Variants in TBCD observed in about 807,000 individuals in gnomAD.
TBCD encodes tubulin-specific chaperone D.
In TBCD, 105 loss-of-function variants were observed where a neutral mutation model predicts 169.3. That is an observed-to-expected ratio of 0.62 (90% CI 0.53 to 0.73). The LOEUF is 0.73. TBCD is among the 30% of genes least tolerant of loss of function. The pLI is 0.00. For missense variants in TBCD, 1,444 were observed against 1,600.1 expected, an observed-to-expected ratio of 0.90 and a Z score of 1.66; for synonymous variants, 700 against 643.9, an observed-to-expected ratio of 1.09 and a Z score of -1.32.
intron 11 of TBCD, 143 bp downstream of exon 11, chr17:82,807,811 G>T: frequency 3.6e-6 from 2 of 552,634 alleles, no homozygotes; most frequent in Non-Finnish European, 2.8e-6. Flanking sequence ...GTTGCTTTAC[G>T]TGTTGGCGTG....
intron 6 of TBCD, among the ~76,000 whole-genome samples, chr17:82,773,684 C>T (rs1294343299): frequency 6.6e-6 from 1 of 151,778 alleles, no homozygotes; most frequent in Non-Finnish European, 1.5e-5. Flanking sequence ...TGTCTTCTTC[C>T]AAAACGAGAT....
At position 82,783,000 on chromosome 17, in the gene TBCD, C is replaced by T. The variant is rs144990124; in HGVS notation, c.771+1279C>T. Among the ~76,000 whole-genome samples the T allele has an allele frequency of 4.6e-3, 696 of 152,070 alleles. 2 individuals carry two copies. Among genetic ancestry groups the T allele is most frequent in the African/African-American group, 0.016 (655 of 41,480 alleles). On this transcript the variant is annotated intron_variant, in intron 7 of 38. Transcript: ENST00000355528. This position sits in a 1 kb window ranked among gnomAD's most constrained non-coding sequence, Gnocchi z 5.1. ...GTCCGCTGTGCCCTCCTGTCCGCGG[C>T]GTCGTCTTCCTGTCTGTGGTATCAT...
chr17:82,909,537 A>G (rs1373104929), intron 22 of TBCD, among the ~76,000 whole-genome samples: 2 of 125,258 alleles, frequency 1.6e-5, no homozygotes, highest in Non-Finnish European at 1.6e-5. Context: ...TGAGGGTCTG[A>G]CCTGGTTGTG....
At chr17:82,842,736 A>G in intron 13 of TBCD, among the ~76,000 whole-genome samples, 1 of 148,482 alleles carries the variant, frequency 6.7e-6, no homozygotes, top group Admixed American at 6.7e-5. Flanking sequence ...GCCAGAAATC[A>G]TTTACCTTCA....
rs201546188 is a variant in TBCD, at chr17:82,884,163, G to T, written c.1494G>T (p.Ala498=). 6.2e-7 allele frequency: 1 copy of T among 1,610,674 alleles called. No individual in the cohort carries two copies. Among genetic ancestry groups the T allele is most frequent in the Non-Finnish European group, 8.5e-7 (1 of 1,178,270 alleles). The change falls in exon 15 of 39, where the codon GCG becomes GCT. Residue 498 remains alanine (A), a synonymous_variant. Transcript: ENST00000355528. This position sits in a 1 kb window ranked among gnomAD's most constrained non-coding sequence, Gnocchi z 4.2. ...TAISSALVIA[A]VFDRDINCRR... Reference sequence around the variant, plus strand: ...TTCACAGTGCACTGGTGATTGCTGCGGTGTTTGACCGAGACATAAACTGCA... The same window carrying T: ...TTCACAGTGCACTGGTGATTGCTGCTGTGTTTGACCGAGACATAAACTGCA...
At chr17:82,878,806 C>T (rs1040477696) in intron 14 of TBCD, among the ~76,000 whole-genome samples, 1 of 152,176 alleles carries the variant, frequency 6.6e-6, no homozygotes, top group African/African-American at 2.4e-5. Context: ...CCTGTGTCCC[C>T]ACCCCGACGT....
At position 82,941,851 on chromosome 17, in the gene TBCD, G is replaced by T. The variant is rs186353778; in HGVS notation, c.3564+368G>T. ...TTCCCATGAGTGGGGCCGGGGCTGG[G>T]TGAGAGGCCCCCAGAAGCTGCCCCT... On this transcript the variant is annotated intron_variant, in intron 38 of 38. Transcript: ENST00000355528. 655 of 285,836 alleles carry T rather than the reference G, an allele frequency of 2.3e-3. 9 individuals carry two copies. The highest frequency in any genetic ancestry group is 0.013 in the African/African-American group (572 of 45,326). 17.7% of individuals were successfully genotyped at this position (285,836 alleles called of 1,614,324 possible). A position where few individuals can be genotyped will look rare whatever the true frequency, so the allele number is the denominator to read the frequency against.
chr17:82,891,440 G>C (rs549944074), intron 16 of TBCD, among the ~76,000 whole-genome samples: 1 of 152,214 alleles, frequency 6.6e-6, no homozygotes, highest in Non-Finnish European at 1.5e-5. Context: ...TGGAAGAAGC[G>C]GCACAGATTT....
intron 13 of TBCD, among the ~76,000 whole-genome samples, chr17:82,838,164 C>T (rs543782355): frequency 3.3e-5 from 5 of 152,278 alleles, no homozygotes; most frequent in South Asian, 4.1e-4. Context: ...TGAGTGGTTT[C>T]GGTTGGCCAT....
chr17:82,799,031 G>C (rs2050306303), intron 8 of TBCD, among the ~76,000 whole-genome samples: 2 of 152,154 alleles, frequency 1.3e-5, no homozygotes, highest in African/African-American at 2.4e-5. Context: ...CACCACGCCT[G>C]GCTCAATTCT....
intron 13 of TBCD, chr17:82,830,462 C>T (rs764262056): frequency 6.2e-7 from 1 of 1,612,564 alleles, no homozygotes; most frequent in Non-Finnish European, 8.5e-7. Context: ...GCGTCTGGAG[C>T]CTCCTCGCCG....
At position 82,860,387 on chromosome 17, in the gene TBCD, G is replaced by T. The variant is rs78702180; in HGVS notation, c.1319-9837G>T. 5.5e-3 allele frequency: 5,457 copies of T among 985,494 alleles called. 254 individuals carry two copies. The African/African-American group carries it at 0.087, about 16-fold the overall frequency. 61.0% of individuals were successfully genotyped at this position (985,494 alleles called of 1,614,324 possible). On this transcript the variant is annotated intron_variant, in intron 13 of 38. Transcript: ENST00000355528. ...GAACTGACTGGCTCTTTTCCCTGTGGTGGCTGCTCGGGTGGCAGTGAGCGG... is the reference window on the plus strand; with the variant it reads ...GAACTGACTGGCTCTTTTCCCTGTGTTGGCTGCTCGGGTGGCAGTGAGCGG...
At chr17:82,816,356 G>A (rs763983714) in intron 13 of TBCD, among the ~76,000 whole-genome samples, 50 of 152,146 alleles carry the variant, frequency 3.3e-4, no homozygotes, top group Non-Finnish European at 5.6e-4. Flanking sequence ...CATGAACATC[G>A]TGTACACGTT....
chr17:82,909,485 T>C (rs1568016019), intron 22 of TBCD, among the ~76,000 whole-genome samples, 178 bp downstream of exon 22: 1 of 143,828 alleles, frequency 7.0e-6, no homozygotes, highest in African/African-American at 2.5e-5. Flanking sequence ...GGTTGTGTGA[T>C]TGGGTTGAGT....
At chr17:82,931,223 C>T (rs2062173493) in intron 33 of TBCD, among the ~76,000 whole-genome samples, 2 of 152,242 alleles carry the variant, frequency 1.3e-5, no homozygotes, top group African/African-American at 4.8e-5. Flanking sequence ...TCGGCAGCCT[C>T]TCCCATGAGA....
chr17:82,811,196 C>A (rs559131557), intron 12 of TBCD, among the ~76,000 whole-genome samples: 1 of 152,184 alleles, frequency 6.6e-6, no homozygotes, highest in East Asian at 1.9e-4. Flanking sequence ...GTGCCACCTG[C>A]GGCCTTCACA....
intron 30 of TBCD, among the ~76,000 whole-genome samples, chr17:82,928,586 T>G (rs1219752911): frequency 6.6e-6 from 1 of 151,462 alleles, no homozygotes; most frequent in African/African-American, 2.4e-5. Context: ...CGGGTCTCTG[T>G]CGGGGGCACT....
In TBCD at chr17:82,907,645, C is replaced by T. The variant is rs554302067; in HGVS notation, c.1923-116C>T. On this transcript the variant is annotated intron_variant, in intron 20 of 38. Transcript: ENST00000355528. ...AATGAGACCTTGCTGAGCCTATGCTCCTCCGAGTGTACTTGGGGTTAGGGT... is the reference window on the plus strand; with the variant it reads ...AATGAGACCTTGCTGAGCCTATGCTTCTCCGAGTGTACTTGGGGTTAGGGT... The T allele has an allele frequency of 5.3e-6, 6 of 1,130,676 alleles. No individual in the cohort carries two copies. The East Asian group carries it at 1.3e-4, about 24-fold the overall frequency. The allele number at this position is 1,130,676 out of a possible 1,614,324, so 70.0% of individuals were successfully genotyped here.
intron 9 of TBCD, among the ~76,000 whole-genome samples, chr17:82,805,446 C>T (rs942625104): frequency 4.6e-5 from 7 of 152,132 alleles, no homozygotes; most frequent in African/African-American, 9.7e-5. Context: ...AACTGGTGAC[C>T]GGTGAGACGC....
Sources: gnomAD v4.1 joint callset for allele counts (sites outside exome capture counted in the v4.1 genomes callset) on GRCh38, gnomAD v4.1.1 for gene constraint, Gnocchi (gnomAD v3.1) non-coding constraint, MANE v1.5 for transcripts, NCBI Gene and HGNC (gene_info 2026-07-23, HGNC 2026-07-21) for gene names.